AMN1: variants seen among roughly 807,000 people sequenced by gnomAD.
The protein encoded by AMN1 is protein AMN1 homolog.
In AMN1, 20 loss-of-function variants were observed where a neutral mutation model predicts 33.0. The ratio of observed to expected loss-of-function variants is 0.61; its 90% CI spans 0.43 to 0.88. The LOEUF (loss-of-function observed/expected upper bound fraction) is 0.88, where lower values mean the gene tolerates loss of function less well. Ranked by LOEUF, AMN1 falls within the 40% of genes least tolerant of loss-of-function variation. The pLI is 0.00. For missense variants in AMN1, 246 were observed against 307.4 expected, an observed-to-expected ratio of 0.80 and a Z score of 1.49; for synonymous variants, 114 against 111.9, an observed-to-expected ratio of 1.02 and a Z score of -0.12.
intron 3 of AMN1, among the ~76,000 whole-genome samples, chr12:31,699,937 C>T (rs1337904165): frequency 1.3e-5 from 2 of 152,136 alleles, no homozygotes; most frequent in South Asian, 2.1e-4. Flanking sequence ...CACACATTTG[C>T]TGTCAGAAGT....
chr12:31,713,267 T>A, intron 1 of AMN1, among the ~76,000 whole-genome samples: 1 of 152,290 alleles, frequency 6.6e-6, no homozygotes, highest in East Asian at 1.9e-4. Context: ...TATATGTGTT[T>A]GCACATAAAT....
Position 31,678,593 on chromosome 12 carries a change from C to T in AMN1, c.704-6216G>A, listed in dbSNP as rs1440054153. Among the ~76,000 whole-genome samples the T allele has an allele frequency of 2.0e-5, 3 of 152,138 alleles. No individual in the cohort carries two copies. The East Asian group carries it at 5.8e-4, about 29-fold the overall frequency. On this transcript the variant is annotated intron_variant, in intron 6 of 6. Transcript: ENST00000281471. ...TGTATTTTTAGTAGAGATGGGGTTT[C>T]ACCATATTGGCCAGGCTGGTCTCGA...
chr12:31,711,730 T>C (rs1040163852), intron 1 of AMN1, among the ~76,000 whole-genome samples: 1 of 152,218 alleles, frequency 6.6e-6, no homozygotes, highest in African/African-American at 2.4e-5. Flanking sequence ...AACATTCAAA[T>C]TATTCTCTTC....
intron 6 of AMN1, among the ~76,000 whole-genome samples, chr12:31,686,389 G>A (rs545797217): frequency 6.6e-6 from 1 of 152,272 alleles, no homozygotes; most frequent in African/African-American, 2.4e-5. Flanking sequence ...AGGTTGCAGT[G>A]AGCCAAGATC....
chr12:31,696,656 G>T (rs1005275724), intron 5 of AMN1, among the ~76,000 whole-genome samples: 5 of 152,156 alleles, frequency 3.3e-5, no homozygotes, highest in African/African-American at 1.2e-4. Context: ...GCCGGGTGCA[G>T]TGGCTCACTC....
At chr12:31,685,453 A>C (rs1350707903) in intron 6 of AMN1, among the ~76,000 whole-genome samples, 1 of 151,920 alleles carries the variant, frequency 6.6e-6, no homozygotes, top group Non-Finnish European at 1.5e-5. Flanking sequence ...TTCTTCCCAC[A>C]CTCTTAAATG....
chr12:31,690,367 C>A (rs1033210036), intron 5 of AMN1, among the ~76,000 whole-genome samples: 2 of 152,186 alleles, frequency 1.3e-5, no homozygotes, highest in African/African-American at 4.8e-5. Flanking sequence ...AGTTTACATT[C>A]CCACCAGCAG....
intron 2 of AMN1, among the ~76,000 whole-genome samples, chr12:31,705,292 G>A (rs1939179034): frequency 6.6e-6 from 1 of 152,082 alleles, no homozygotes; most frequent in Non-Finnish European, 1.5e-5. Flanking sequence ...GAGCCCAGAG[G>A]TTCAAGACCA....
chr12:31,712,546 G>T (rs1436472776), intron 1 of AMN1, among the ~76,000 whole-genome samples: 1 of 151,770 alleles, frequency 6.6e-6, no homozygotes, highest in Non-Finnish European at 1.5e-5. Flanking sequence ...GTACCCAGCA[G>T]ATTTCATTAT....
chr12:31,677,155 C>G (rs1937754988), intron 6 of AMN1, among the ~76,000 whole-genome samples: 2 of 152,062 alleles, frequency 1.3e-5, no homozygotes, highest in Admixed American at 6.6e-5. Flanking sequence ...AAAAAATTAG[C>G]TGGGCGTAGT....
intron 6 of AMN1, among the ~76,000 whole-genome samples, chr12:31,682,963 C>CTT (rs34868408): frequency 0.3 from 41,573 of 137,668 alleles, 6,537 homozygotes; most frequent in Non-Finnish European, 0.36. Flanking sequence ...GTATGCTATT[C>CTT]TTTTTTTTTT....
At chr12:31,711,319 C>T (rs1231051818) in intron 1 of AMN1, among the ~76,000 whole-genome samples, 2 of 152,034 alleles carry the variant, frequency 1.3e-5, no homozygotes, top group African/African-American at 2.4e-5. Flanking sequence ...TTCCTTTTAA[C>T]ATGTTTATTG....
chr12:31,705,977 C>T (rs914222864), intron 2 of AMN1, among the ~76,000 whole-genome samples: 8 of 152,050 alleles, frequency 5.3e-5, no homozygotes, highest in East Asian at 1.9e-4. Context: ...TGGTTCTGCC[C>T]GTTGCTCCCT....
At chr12:31,676,348 A>C (rs1422852603) in intron 6 of AMN1, among the ~76,000 whole-genome samples, 1 of 151,396 alleles carries the variant, frequency 6.6e-6, no homozygotes, top group Non-Finnish European at 1.5e-5. Context: ...GGTGGCTCAC[A>C]CCTGTAATCT....
intron 6 of AMN1, among the ~76,000 whole-genome samples, chr12:31,677,299 C>CA (rs1174642650): frequency 3.3e-5 from 5 of 151,310 alleles, no homozygotes; most frequent in South Asian, 2.1e-4. Flanking sequence ...GACTCCGTCT[C>CA]AAAAAAAAGA....
rs1297499692 is a variant in AMN1, at chr12:31,689,069, G to C, written c.641C>G (p.Ala214Gly). The C allele has an allele frequency of 6.2e-7, 1 of 1,613,618 alleles. No individual in the cohort carries two copies. The highest frequency in any genetic ancestry group is 8.5e-7 in the Non-Finnish European group (1 of 1,179,728). ...CVNLTDGAVEAVLTYCPQIRI... is the reference protein window; with the variant it reads ...CVNLTDGAVEGVLTYCPQIRI... ...TATTTGAGGACAGTAAGTAAGGACA[G>C]CTTCGACAGCCCCATCAGTCAGATT... is the stretch of plus-strand genomic sequence containing the variant. Residue 214 changes from alanine to glycine, a missense_variant, in exon 6 of 7, where the codon GCT (alanine) becomes GGT (glycine). By Grantham distance (60) the Ala-to-Gly change is moderately conservative. Transcript: ENST00000281471.
intron 1 of AMN1, among the ~76,000 whole-genome samples, chr12:31,726,622 G>A (rs1488576081): frequency 1.3e-5 from 2 of 152,224 alleles, no homozygotes; most frequent in African/African-American, 4.8e-5. Flanking sequence ...CCTTCATGGA[G>A]AAAGCCTCAT....
chr12:31,687,458 G>A lies in AMN1; in HGVS notation c.703+1549C>T, dbSNP rs1938312689. 2.0e-5 allele frequency among the ~76,000 whole-genome samples: 3 copies of A among 152,076 alleles called. No homozygotes were observed. The highest frequency in any genetic ancestry group is 1.3e-4 in the Admixed American group (2 of 15,260). ...GTGATCCCAGCACTTTGGGAGGCTG[G>A]GGTGGGTGGATCATGAGGTCAGGAG... is the stretch of plus-strand genomic sequence containing the variant. On this transcript the variant is annotated intron_variant, in intron 6 of 6. Coordinates refer to ENST00000281471, the MANE Select transcript of AMN1 (RefSeq NM_001113402.2). The surrounding 1 kb of genome is among the most constrained non-coding windows in gnomAD (Gnocchi z 4.1).
chr12:31,688,348 T>C (rs748543920), intron 6 of AMN1, among the ~76,000 whole-genome samples: 13 of 152,242 alleles, frequency 8.5e-5, no homozygotes, highest in Non-Finnish European at 1.8e-4. Context: ...TTTCTTATTG[T>C]TTACATAAAG....
Sources: allele counts gnomAD v4.1 joint callset (sites outside exome capture counted in the v4.1 genomes callset), GRCh38; gene constraint gnomAD v4.1.1; non-coding constraint Gnocchi (gnomAD v3.1); transcripts MANE v1.5; gene names NCBI Gene and HGNC (gene_info 2026-07-23, HGNC 2026-07-21).